Variants in KCNIP4 observed in about 807,000 individuals in gnomAD.
KCNIP4 encodes the protein potassium voltage-gated channel interacting protein 4.
Under a neutral mutation model 34.0 loss-of-function variants are expected in KCNIP4, and 12 were observed. The ratio of observed to expected loss-of-function variants is 0.35; its 90% CI spans 0.23 to 0.57. KCNIP4 has a LOEUF of 0.57. KCNIP4 is among the 20% of genes least tolerant of loss of function. The pLI, the probability that KCNIP4 is intolerant of heterozygous loss-of-function variation, is 0.83. For missense variants in KCNIP4, 238 were observed against 311.7 expected, an observed-to-expected ratio of 0.76 and a Z score of 1.78; for synonymous variants, 124 against 102.2, an observed-to-expected ratio of 1.21 and a Z score of -1.29.
intron 1 of KCNIP4, among the ~76,000 whole-genome samples, chr4:21,888,442 T>A (rs1433575674): frequency 6.6e-6 from 1 of 151,984 alleles, no homozygotes. Flanking sequence ...AAAAAATGAG[T>A]CAAAACTTCA....
chr4:21,513,053 GCTA>G (rs1734462939), intron 1 of KCNIP4, among the ~76,000 whole-genome samples: 1 of 152,158 alleles, frequency 6.6e-6, no homozygotes, highest in Non-Finnish European at 1.5e-5. Flanking sequence ...TTTCTCCACT[GCTA>G]CCATTGCCAT....
intron 3 of KCNIP4, among the ~76,000 whole-genome samples, chr4:20,802,185 C>T (rs149466945): frequency 1.2e-5 from 1 of 86,808 alleles, no homozygotes; most frequent in Non-Finnish European, 2.4e-5. Flanking sequence ...TATATATATG[C>T]TATATATATG....
intron 1 of KCNIP4, among the ~76,000 whole-genome samples, chr4:21,063,824 A>G (rs576369809): frequency 1.3e-5 from 2 of 152,254 alleles, no homozygotes; most frequent in Middle Eastern, 6.8e-3. Flanking sequence ...GAGGGGAAGT[A>G]AAGAGAAGAG....
intron 1 of KCNIP4, among the ~76,000 whole-genome samples, chr4:21,494,203 T>C (rs1345951139): frequency 6.6e-6 from 1 of 152,172 alleles, no homozygotes; most frequent in Non-Finnish European, 1.5e-5. Flanking sequence ...AGAAGATTTA[T>C]GAGAAGACAA....
Position 21,107,657 on chromosome 4 carries a change from T to G in KCNIP4, c.62-224948A>C, listed in dbSNP as rs1326594600. On this transcript the variant is annotated intron_variant, in intron 1 of 8. Transcript: ENST00000382152. ...TCCTGTCATTAAGATGTTAGCTGGTTATTTTGCTCATTAGTTGATGCAGTT... is the reference window on the plus strand; with the variant it reads ...TCCTGTCATTAAGATGTTAGCTGGTGATTTTGCTCATTAGTTGATGCAGTT... Among the ~76,000 whole-genome samples, 4 of 151,112 alleles carry G rather than the reference T, an allele frequency of 2.6e-5. 1 individual carries two copies. Among genetic ancestry groups the G allele is most frequent in the African/African-American group, 4.9e-5 (2 of 40,492 alleles).
intron 1 of KCNIP4, among the ~76,000 whole-genome samples, chr4:21,940,095 A>G (rs1168966290): frequency 6.6e-6 from 1 of 152,192 alleles, no homozygotes; most frequent in Non-Finnish European, 1.5e-5. Flanking sequence ...CATATGTTTT[A>G]TGAAAAAGGT....
At chr4:20,999,278 G>A (rs1461204929) in intron 1 of KCNIP4, among the ~76,000 whole-genome samples, 1 of 151,974 alleles carries the variant, frequency 6.6e-6, no homozygotes, top group Non-Finnish European at 1.5e-5. Flanking sequence ...AGTGTGTTTG[G>A]GTAGGAATAA....
intron 1 of KCNIP4, among the ~76,000 whole-genome samples, chr4:21,422,195 ACT>A (rs1491286484): frequency 1.4e-5 from 2 of 139,734 alleles, no homozygotes; most frequent in Non-Finnish European, 3.2e-5. Context: ...TCTGCAGCCT[ACT>A]TTTTTTTTTT....
chr4:21,882,942 C>T (rs937790895), intron 1 of KCNIP4, among the ~76,000 whole-genome samples: 1 of 151,998 alleles, frequency 6.6e-6, no homozygotes, highest in African/African-American at 2.4e-5. Context: ...TGTTTTAATA[C>T]CTGATTATTT....
chr4:21,447,265 C>T (rs28432127), intron 1 of KCNIP4, among the ~76,000 whole-genome samples: 1,573 of 152,090 alleles, frequency 0.01, 33 homozygotes, highest in African/African-American at 0.036. Flanking sequence ...CCATGAAGAT[C>T]GGAGTGATGA....
At chr4:21,001,949 G>A (rs2149719686) in intron 1 of KCNIP4, among the ~76,000 whole-genome samples, 1 of 85,642 alleles carries the variant, frequency 1.2e-5, no homozygotes, top group Non-Finnish European at 2.4e-5. Context: ...TAATAATTTT[G>A]TTTCCAGTAA....
rs571804338 is a variant in KCNIP4 at position 20,800,065 on chromosome 4, G to A, written c.289-41175C>T. On this transcript the variant is annotated intron_variant, in intron 3 of 8. Coordinates refer to ENST00000382152, the MANE Select transcript of KCNIP4 (RefSeq NM_025221.6). ...GACGCCCCACTGTGGGGGAAGATAA[G>A]AACAGAATGATTCCCAAAGTTCTTG... Among the ~76,000 whole-genome samples, 196 of 152,300 alleles carry A rather than the reference G, an allele frequency of 1.3e-3. 4 individuals are homozygous for A. In the South Asian group the frequency reaches 0.039, roughly 30 times the overall value.
intron 1 of KCNIP4, among the ~76,000 whole-genome samples, chr4:21,195,555 C>A (rs1755996658): frequency 6.6e-6 from 1 of 152,120 alleles, no homozygotes. Flanking sequence ...GCCATTGGAT[C>A]TTCAAAAGGC....
chr4:21,761,413 T>C (rs1231813899), intron 1 of KCNIP4, among the ~76,000 whole-genome samples: 1 of 152,096 alleles, frequency 6.6e-6, no homozygotes, highest in African/African-American at 2.4e-5. Flanking sequence ...TAATGAATTA[T>C]TTGTAATTAT....
At chr4:21,326,341 T>C (rs1715043303) in intron 1 of KCNIP4, among the ~76,000 whole-genome samples, 1 of 151,754 alleles carries the variant, frequency 6.6e-6, no homozygotes, top group Admixed American at 6.6e-5. Context: ...ACCCCCTTGC[T>C]GAATTGATCT....
Position 21,147,323 on chromosome 4 carries a change from G to T in KCNIP4, c.62-264614C>A, listed in dbSNP as rs140345074. ...TCGGGGAGGCCCAGTTTGCACTGCT[G>T]TTGCCAGCCAGAGAGACCGTAGCTT... On this transcript the variant is annotated intron_variant, in intron 1 of 8. Coordinates refer to ENST00000382152, the MANE Select transcript of KCNIP4 (RefSeq NM_025221.6). Among the ~76,000 whole-genome samples, 340 of 152,270 alleles carry T rather than the reference G, an allele frequency of 2.2e-3. 1 individual carries two copies. Among genetic ancestry groups the T allele is most frequent in the Middle Eastern group, 6.8e-3 (2 of 294 alleles).
At chr4:21,507,462 G>A (rs965317148) in intron 1 of KCNIP4, among the ~76,000 whole-genome samples, 3 of 151,940 alleles carry the variant, frequency 2.0e-5, no homozygotes, top group Non-Finnish European at 2.9e-5. Flanking sequence ...TGACCGTGTT[G>A]CCCAGGCTGG....
chr4:21,513,415 T>G (rs2109928174), intron 1 of KCNIP4, among the ~76,000 whole-genome samples: 1 of 152,268 alleles, frequency 6.6e-6, no homozygotes, highest in East Asian at 1.9e-4. Context: ...CAGCTTGTGT[T>G]GGTGATATGT....
At chr4:21,389,922 T>G (rs994563834) in intron 1 of KCNIP4, among the ~76,000 whole-genome samples, 1 of 151,408 alleles carries the variant, frequency 6.6e-6, no homozygotes, top group African/African-American at 2.4e-5. Context: ...CCCCCAACAG[T>G]GTAAAAGTGT....
Sources: allele counts gnomAD v4.1 joint callset (sites outside exome capture counted in the v4.1 genomes callset), GRCh38; gene constraint gnomAD v4.1.1; transcripts MANE v1.5; gene names NCBI Gene and HGNC (gene_info 2026-07-23, HGNC 2026-07-21).